Variants in EFL1 observed in about 807,000 individuals in gnomAD.
EFL1 encodes elongation factor like GTPase 1.
EFL1 carries 76 observed loss-of-function variants against 126.7 expected under a neutral mutation model. The ratio of observed to expected loss-of-function variants is 0.60; its 90% CI spans 0.50 to 0.73. The LOEUF is 0.73. EFL1 is among the 30% of genes least tolerant of loss of function. EFL1 has a pLI of 0.00. For missense variants in EFL1, 1,128 were observed against 1,343.2 expected (o/e 0.84, Z 2.50); for synonymous variants, 410 against 448.4 (o/e 0.91, Z 1.08).
chr15:82,184,634 C>A (rs974020285), intron 15 of EFL1, among the ~76,000 whole-genome samples: 4 of 152,196 alleles, frequency 2.6e-5, no homozygotes, highest in African/African-American at 9.6e-5. Context: ...GCAAACTGCC[C>A]AAGTTAGCAT....
chr15:82,238,232 A>G, intron 7 of EFL1, 75 bp downstream of exon 7: 2 of 1,490,242 alleles, frequency 1.3e-6, no homozygotes, highest in South Asian at 1.3e-5. Context: ...TTATCTCAAA[A>G]TAAAAGTTTC....
chr15:82,215,134 T>G (rs1230451880), intron 14 of EFL1, among the ~76,000 whole-genome samples: 1 of 152,222 alleles, frequency 6.6e-6, no homozygotes, highest in Non-Finnish European at 1.5e-5. Context: ...CCTGGTATTG[T>G]CACTTTAGCT....
rs776039730 is a variant in EFL1 at position 82,240,448 on chromosome 15, G to A, written c.486C>T (p.Ala162=). The A allele has an allele frequency of 6.2e-7, 1 of 1,611,570 alleles. No individual in the cohort carries two copies. Among genetic ancestry groups the A allele is most frequent in the South Asian group, 1.1e-5 (1 of 90,724 alleles). Residue 162 remains alanine, a synonymous_variant, in exon 6 of 20, where the codon GCC becomes GCT. Transcript: ENST00000268206. ...CTAAAATATTCTTGAGGTGAGAATA[G>A]GCCTCTTGTGGGGTGAATTTCAGTT... The part of the protein sequence containing the change: ...IVELKFTPQE[A]YSHLKNILEQ...
Position 82,152,186 on chromosome 15 carries a change from C to T in EFL1, c.2268G>A (p.Met756Ile). 2.5e-6 allele frequency: 4 copies of T among 1,614,132 alleles called. No individual in the cohort carries two copies. Among genetic ancestry groups the T allele is most frequent in the Non-Finnish European group, 3.4e-6 (4 of 1,180,028 alleles). The change falls in exon 18 of 20, where the codon ATG becomes ATA. Residue 756 changes from methionine (M) to isoleucine (I), a missense_variant. Met to Ile is a conservative substitution (Grantham distance 10). Coordinates refer to ENST00000268206, the MANE Select transcript of EFL1 (RefSeq NM_024580.6). ...NKLATLSVRA[M>I]PLPEEVTQIL... ...TCTGGGTGACTTCTTCTGGAAGGGG[C>T]ATGGCTCGAACACTGAGCGTGGCAA...
At chr15:82,238,984 T>C (rs903089379) in intron 6 of EFL1, among the ~76,000 whole-genome samples, 1 of 152,124 alleles carries the variant, frequency 6.6e-6, no homozygotes, top group Non-Finnish European at 1.5e-5. Flanking sequence ...AAATAGGCAG[T>C]AATCTTATGT....
In EFL1 at chr15:82,262,699, T is replaced by G; in HGVS notation, c.-105A>C. Reference sequence around the variant, plus strand: ...TCCGAAAGTCCGAGAGCTCTGCGGGTCCGACACGCCCGCGCGCCAGGGGGC... The same window carrying G: ...TCCGAAAGTCCGAGAGCTCTGCGGGGCCGACACGCCCGCGCGCCAGGGGGC... On this transcript the variant is annotated 5_prime_UTR_variant, in exon 1 of 20. Transcript: ENST00000268206. The G allele has an allele frequency of 3.1e-6, 2 of 636,330 alleles. No homozygotes were observed. Among genetic ancestry groups the G allele is most frequent in the Non-Finnish European group, 5.1e-6 (2 of 388,920 alleles). The allele number at this position is 636,330 out of a possible 1,614,324, so 39.4% of individuals were successfully genotyped here. A position where few individuals can be genotyped will look rare whatever the true frequency, so the allele number is the denominator to read the frequency against.
rs749324827 is a variant in EFL1 at position 82,152,201 on chromosome 15, G to C, written c.2253C>G (p.Leu751=). The C allele has an allele frequency of 1.2e-6, 2 of 1,614,164 alleles. No homozygotes were observed. The highest frequency in any genetic ancestry group is 2.2e-5 in the South Asian group (2 of 91,078). The change falls in exon 18 of 20, where the codon CTC becomes CTG. Residue 751 remains leucine (L), a synonymous_variant. Transcript: ENST00000268206. The part of the protein sequence containing the change: ...TITTPNKLAT[L]SVRAMPLPEE... ...CTGGAAGGGGCATGGCTCGAACACT[G>C]AGCGTGGCAAGTTTATTGGGAGTTG...
intron 11 of EFL1, among the ~76,000 whole-genome samples, chr15:82,227,113 G>T (rs550896885): frequency 1.3e-5 from 2 of 152,258 alleles, no homozygotes; most frequent in African/African-American, 4.8e-5. Flanking sequence ...CAATAGAACT[G>T]GAGGAAAAGA....
At chr15:82,160,357 G>A (rs921706874) in intron 16 of EFL1, among the ~76,000 whole-genome samples, 9 of 152,156 alleles carry the variant, frequency 5.9e-5, no homozygotes, top group Non-Finnish European at 1.0e-4. Context: ...GATGCTGAAC[G>A]CTTCCAAATT....
intron 15 of EFL1, among the ~76,000 whole-genome samples, chr15:82,172,222 T>G (rs138082198): frequency 1.3e-5 from 2 of 152,198 alleles, no homozygotes; most frequent in African/African-American, 4.8e-5. Flanking sequence ...TTATGTACTG[T>G]AGACAAGAAC....
intron 19 of EFL1, among the ~76,000 whole-genome samples, chr15:82,134,699 C>T (rs569843719): frequency 5.9e-5 from 9 of 152,296 alleles, no homozygotes; most frequent in South Asian, 2.1e-4. Flanking sequence ...CAGTAATAAG[C>T]GATGAATCTT....
chr15:82,231,960 C>T (rs778386916), intron 7 of EFL1, among the ~76,000 whole-genome samples: 1 of 152,136 alleles, frequency 6.6e-6, no homozygotes, highest in African/African-American at 2.4e-5. Flanking sequence ...TCAGCACACC[C>T]AGAACGGCAC....
At chr15:82,179,271 G>C (rs1160857402) in intron 15 of EFL1, among the ~76,000 whole-genome samples, 3 of 152,192 alleles carry the variant, frequency 2.0e-5, no homozygotes, top group African/African-American at 7.2e-5. Context: ...GAAGCAGTCA[G>C]GTCTCCAGAC....
intron 14 of EFL1, 36 bp from the exon 15 acceptor site, chr15:82,214,891 G>A: frequency 6.3e-7 from 1 of 1,586,552 alleles, no homozygotes. Context: ...CAAGTTAGGA[G>A]GCATTTGGAA....
intron 15 of EFL1, among the ~76,000 whole-genome samples, chr15:82,170,281 AT>A (rs1468481010): frequency 6.6e-6 from 1 of 150,962 alleles, no homozygotes; most frequent in Non-Finnish European, 1.5e-5. Context: ...CGCCCGGCTA[AT>A]TTTTTGTATT....
chr15:82,170,407 C>A (rs1326347331), intron 15 of EFL1, among the ~76,000 whole-genome samples: 1 of 152,108 alleles, frequency 6.6e-6, no homozygotes, highest in Non-Finnish European at 1.5e-5. Context: ...AGCCACCGCG[C>A]CCGGCCCCAC....
intron 14 of EFL1, among the ~76,000 whole-genome samples, chr15:82,217,817 C>T (rs1231912456): frequency 6.6e-6 from 1 of 152,118 alleles, no homozygotes; most frequent in South Asian, 2.1e-4. Flanking sequence ...AGATGTCACA[C>T]TGTGATTCTA....
chr15:82,225,803 T>C (rs1342622998), intron 11 of EFL1, among the ~76,000 whole-genome samples: 1 of 152,232 alleles, frequency 6.6e-6, no homozygotes, highest in Admixed American at 6.5e-5. Context: ...CAATTCTCCC[T>C]AAATACACAA....
intron 14 of EFL1, among the ~76,000 whole-genome samples, chr15:82,217,270 G>GATT (rs1211291211): frequency 7.0e-6 from 1 of 142,616 alleles, no homozygotes; most frequent in Non-Finnish European, 1.5e-5. Flanking sequence ...TTAAGCAAGA[G>GATT]ATTACCAAGG....
Sources: gnomAD v4.1 joint callset for allele counts (sites outside exome capture counted in the v4.1 genomes callset) on GRCh38, gnomAD v4.1.1 for gene constraint, MANE v1.5 for transcripts, NCBI Gene and HGNC (gene_info 2026-07-23, HGNC 2026-07-21) for gene names.